The following UBXN2A variants were observed in gnomAD, a reference collection of about 807,000 sequenced individuals.
UBXN2A encodes the protein UBX domain protein 2A.
In UBXN2A, 28 loss-of-function variants were observed where a neutral mutation model predicts 28.4. That is an observed-to-expected ratio of 0.99 (90% CI 0.73 to 1.35). UBXN2A has a LOEUF of 1.35. Among genes scored for constraint, UBXN2A ranks in the 40% most tolerant of loss-of-function variants. UBXN2A has a pLI of 0.00. For synonymous variants in UBXN2A, 97 were observed against 103.6 expected (o/e 0.94, Z 0.39); for missense variants, 253 against 297.9 (o/e 0.85, Z 1.11).
intron 2 of UBXN2A, among the ~76,000 whole-genome samples, chr2:23,968,621 C>T (rs1481230767): frequency 2.0e-5 from 3 of 149,410 alleles, no homozygotes; most frequent in Non-Finnish European, 3.0e-5. Flanking sequence ...TGCAGTGAGC[C>T]GAGATTGCGC....
chr2:23,974,584 G>A (rs1489550079), intron 3 of UBXN2A, among the ~76,000 whole-genome samples: 1 of 151,692 alleles, frequency 6.6e-6, no homozygotes, highest in African/African-American at 2.4e-5. Flanking sequence ...TTGACCTCAT[G>A]ATCCGCCTGC....
chr2:23,948,015 C>T (rs546743193), intron 1 of UBXN2A, among the ~76,000 whole-genome samples: 14 of 150,902 alleles, frequency 9.3e-5, no homozygotes, highest in African/African-American at 1.9e-4. Context: ...CCACCATGCA[C>T]GGCTAATTTT....
At chr2:23,955,147 G>T (rs1318132060) in intron 1 of UBXN2A, among the ~76,000 whole-genome samples, 1 of 151,988 alleles carries the variant, frequency 6.6e-6, no homozygotes, top group Non-Finnish European at 1.5e-5. Flanking sequence ...TGTCCAGAAT[G>T]GTCTCGATCT....
rs1379283905 is a variant in UBXN2A, at chr2:23,973,838, G to GAC, written c.180+2426_180+2427dup. On this transcript the variant is annotated intron_variant, in intron 3 of 6. Transcript: ENST00000309033. The stretch of plus-strand genomic sequence containing the variant: ...GTTGAGACGGGGTTTCACCATGTTG[G>GAC]ACAGGCTGGTCTCAAACTCCTGACC... 5.3e-5 allele frequency among the ~76,000 whole-genome samples: 8 copies of GAC among 151,618 alleles called. No individual in the cohort carries two copies. The East Asian group carries it at 1.6e-3, about 30-fold the overall frequency.
At chr2:23,945,720 TCTC>T (rs1706035497) in intron 1 of UBXN2A, among the ~76,000 whole-genome samples, 1 of 152,214 alleles carries the variant, frequency 6.6e-6, no homozygotes, top group Non-Finnish European at 1.5e-5. Flanking sequence ...TTGCATTTTT[TCTC>T]CTCAAATTCC....
intron 1 of UBXN2A, among the ~76,000 whole-genome samples, chr2:23,931,883 C>T (rs768847662): frequency 6.6e-6 from 1 of 151,846 alleles, no homozygotes; most frequent in Non-Finnish European, 1.5e-5. Flanking sequence ...TGATGGCAGG[C>T]GACTGTAATC....
chr2:23,980,863 G>A (rs977991873), intron 4 of UBXN2A, among the ~76,000 whole-genome samples: 3 of 152,138 alleles, frequency 2.0e-5, no homozygotes, highest in Non-Finnish European at 4.4e-5. Flanking sequence ...CTGATCTCAC[G>A]TGATTCACCC....
chr2:23,941,241 A>G (rs1006237025), intron 1 of UBXN2A, among the ~76,000 whole-genome samples: 1 of 152,154 alleles, frequency 6.6e-6, no homozygotes, highest in African/African-American at 2.4e-5. Context: ...AATTTGAGAT[A>G]AGTAAAGATA....
At chr2:23,978,681 T>G (rs1357856352) in intron 4 of UBXN2A, among the ~76,000 whole-genome samples, 1 of 147,474 alleles carries the variant, frequency 6.8e-6, no homozygotes, top group Non-Finnish European at 1.5e-5. Context: ...AAAAAAATTG[T>G]AGCTGGGCAC....
rs112314899 is a variant in UBXN2A, at chr2:23,947,558, C to G, written c.-15+6910C>G. Among the ~76,000 whole-genome samples, 131 of 152,224 alleles carry G rather than the reference C, an allele frequency of 8.6e-4. 2 individuals carry two copies. The highest frequency in any genetic ancestry group is 3.4e-3 in the Middle Eastern group (1 of 294). On this transcript the variant is annotated intron_variant, in intron 1 of 6. Coordinates refer to ENST00000309033, the MANE Select transcript of UBXN2A (RefSeq NM_181713.4). ...TATGACTGTGATACATTTGTAGCAG[C>G]TCACTCAATTGATATAAATAAATTT... is the stretch of plus-strand genomic sequence containing the variant.
chr2:23,945,916 T>C (rs946629420), intron 1 of UBXN2A, among the ~76,000 whole-genome samples: 2 of 151,728 alleles, frequency 1.3e-5, no homozygotes, highest in Admixed American at 6.6e-5. Context: ...CTGCAACCTC[T>C]GCCTCCCAGG....
At chr2:23,948,755 A>G (rs974200246) in intron 1 of UBXN2A, among the ~76,000 whole-genome samples, 3 of 152,196 alleles carry the variant, frequency 2.0e-5, no homozygotes, top group African/African-American at 7.2e-5. Context: ...CCAGTATTCC[A>G]GTAAAACTCA....
intron 1 of UBXN2A, among the ~76,000 whole-genome samples, chr2:23,950,647 G>A (rs1005806368): frequency 9.9e-5 from 15 of 151,134 alleles, no homozygotes; most frequent in African/African-American, 3.4e-4. Context: ...CAAGTGATCC[G>A]CCCACCTCGG....
chr2:23,972,183 A>G (rs1018295285), intron 3 of UBXN2A, among the ~76,000 whole-genome samples: 1 of 152,172 alleles, frequency 6.6e-6, no homozygotes, highest in African/African-American at 2.4e-5. Flanking sequence ...TAAAACTGCA[A>G]CACCTTAGCA....
At chr2:23,963,239 G>A (rs757935161) in intron 2 of UBXN2A, among the ~76,000 whole-genome samples, 5 of 151,978 alleles carry the variant, frequency 3.3e-5, no homozygotes, top group Admixed American at 2.0e-4. Flanking sequence ...AGAAAACGCC[G>A]GGCGCAGTGG....
chr2:23,966,701 T>C (rs1707190984), intron 2 of UBXN2A, among the ~76,000 whole-genome samples: 1 of 150,164 alleles, frequency 6.7e-6, no homozygotes, highest in Admixed American at 6.7e-5. Context: ...TCCGCCCACC[T>C]TGGCCTCCCA....
At chr2:23,938,611 G>A (rs1705609356), upstream of UBXN2A, among the ~76,000 whole-genome samples, 1 of 142,916 alleles carries the variant, frequency 7.0e-6, no homozygotes, top group Non-Finnish European at 1.5e-5. Flanking sequence ...ATACAGAACT[G>A]CAAGCGACAA....
rs1435665157 is a variant in UBXN2A at position 24,003,111 on chromosome 2, T to A, written c.*3244T>A. On this transcript the variant is annotated 3_prime_UTR_variant, in exon 7 of 7. Transcript: ENST00000309033. Reference sequence around the variant, plus strand: ...ACCTACCACAAAGATTCTGATTCACTGTATCTGTGATGGGTCTCAGATCTC... The same window carrying A: ...ACCTACCACAAAGATTCTGATTCACAGTATCTGTGATGGGTCTCAGATCTC... 3.9e-5 allele frequency: 6 copies of A among 152,226 alleles called. No homozygotes were observed. Among genetic ancestry groups the A allele is most frequent in the African/African-American group, 1.4e-4 (6 of 41,466 alleles). The allele number at this position is 152,226 out of a possible 1,614,324, so 9.4% of individuals were successfully genotyped here.
intron 1 of UBXN2A, among the ~76,000 whole-genome samples, chr2:23,956,380 A>G (rs925993542): frequency 6.6e-6 from 1 of 151,858 alleles, no homozygotes; most frequent in Non-Finnish European, 1.5e-5. Flanking sequence ...AGACAGTCTC[A>G]CTAACTCTGT....
Sources: allele counts gnomAD v4.1 joint callset (sites outside exome capture counted in the v4.1 genomes callset), GRCh38; gene constraint gnomAD v4.1.1; transcripts MANE v1.5; gene names NCBI Gene and HGNC (gene_info 2026-07-23, HGNC 2026-07-21).